The following SDK1 variants were observed in gnomAD, a reference collection of about 807,000 sequenced individuals.
The protein encoded by SDK1 is sidekick cell adhesion molecule 1, also known as protein sidekick-1.
SDK1 carries 157 observed loss-of-function variants against 245.5 expected under a neutral mutation model. The ratio of observed to expected loss-of-function variants is 0.64; its 90% CI spans 0.56 to 0.73. The LOEUF is 0.73. Among genes scored for constraint, SDK1 ranks in the 30% least tolerant of loss-of-function variants. The probability of loss-of-function intolerance (pLI) is 0.00; values close to 1 mark genes in which losing one functional copy is unlikely to be tolerated. For missense variants in SDK1, 3,583 were observed against 3,002.3 expected (o/e 1.19, Z -4.52); for synonymous variants, 1,647 against 1,278.5 (o/e 1.29, Z -6.15).
chr7:3,634,294 T>C (rs531410439), intron 2 of SDK1, among the ~76,000 whole-genome samples: 1 of 152,316 alleles, frequency 6.6e-6, no homozygotes, highest in East Asian at 1.9e-4. Context: ...TGGGCTGAGA[T>C]GGACCCGATG....
intron 5 of SDK1, among the ~76,000 whole-genome samples, chr7:3,865,400 G>A (rs1172976581): frequency 6.6e-6 from 1 of 152,266 alleles, no homozygotes; most frequent in Non-Finnish European, 1.5e-5. Context: ...GACTCAAAAT[G>A]TTTTGACATG....
intron 9 of SDK1, among the ~76,000 whole-genome samples, chr7:3,964,725 A>T (rs1781967405): frequency 2.6e-5 from 4 of 152,300 alleles, no homozygotes; most frequent in Admixed American, 2.6e-4. Context: ...CAAAATGCTG[A>T]TATCCTCAGG....
chr7:3,695,744 C>T (rs140220693), intron 4 of SDK1, among the ~76,000 whole-genome samples: 7 of 152,194 alleles, frequency 4.6e-5, no homozygotes, highest in East Asian at 3.9e-4. Flanking sequence ...CTTATTATTC[C>T]GGTGACATAA....
chr7:4,140,384 C>T (rs1779502035), intron 28 of SDK1, among the ~76,000 whole-genome samples: 1 of 152,270 alleles, frequency 6.6e-6, no homozygotes, highest in African/African-American at 2.4e-5. Flanking sequence ...ATGCTGGAGG[C>T]GTGGCTCTGG....
intron 1 of SDK1, among the ~76,000 whole-genome samples, chr7:3,578,964 G>T (rs1780396097): frequency 6.6e-6 from 1 of 151,900 alleles, no homozygotes; most frequent in African/African-American, 2.4e-5. Flanking sequence ...AAGTAAGACA[G>T]GTGTAAGAAA....
chr7:3,539,436 C>T (rs907330481), intron 1 of SDK1, among the ~76,000 whole-genome samples: 9 of 152,068 alleles, frequency 5.9e-5, no homozygotes, highest in Non-Finnish European at 1.2e-4. Flanking sequence ...GGGCCTTTGC[C>T]TTTATTACCT....
intron 32 of SDK1, among the ~76,000 whole-genome samples, chr7:4,170,520 T>C (rs1781774044): frequency 1.3e-5 from 2 of 152,088 alleles, no homozygotes; most frequent in Admixed American, 1.3e-4. Flanking sequence ...AGTGTGTGTG[T>C]GTTATGCACA....
chr7:3,635,400 G>A (rs1335623848), intron 2 of SDK1, among the ~76,000 whole-genome samples: 4 of 152,056 alleles, frequency 2.6e-5, no homozygotes, highest in Admixed American at 6.6e-5. Flanking sequence ...TGTTTTAGTC[G>A]CTTAAAATTA....
intron 4 of SDK1, among the ~76,000 whole-genome samples, chr7:3,664,666 G>A (rs535392125): frequency 2.0e-5 from 3 of 151,700 alleles, no homozygotes; most frequent in African/African-American, 7.3e-5. Flanking sequence ...CTTGAACCCA[G>A]GAGGCAGAGG....
At chr7:3,518,780 C>T (rs986462068) in intron 1 of SDK1, among the ~76,000 whole-genome samples, 1 of 152,034 alleles carries the variant, frequency 6.6e-6, no homozygotes, top group Non-Finnish European at 1.5e-5. Context: ...GCTCCTCCAG[C>T]AATCCCACTA....
intron 38 of SDK1, among the ~76,000 whole-genome samples, chr7:4,216,966 C>G (rs1257525757): frequency 2.0e-5 from 3 of 150,784 alleles, no homozygotes; most frequent in Non-Finnish European, 4.4e-5. Flanking sequence ...GTCCAGAGCA[C>G]CAGGCCACCC....
At chr7:3,398,333 A>T (rs1314477042) in intron 1 of SDK1, among the ~76,000 whole-genome samples, 1 of 152,070 alleles carries the variant, frequency 6.6e-6, no homozygotes, top group Admixed American at 6.6e-5. Flanking sequence ...CGGAGAGGAA[A>T]CATTCTATAA....
At chr7:3,942,589 T>TG (rs1554285621) in intron 5 of SDK1, among the ~76,000 whole-genome samples, 33 of 128,556 alleles carry the variant, frequency 2.6e-4, no homozygotes, top group Middle Eastern at 4.2e-3. Context: ...TGTGTGTGTG[T>TG]TTTAAAAAAA....
In SDK1 at chr7:3,987,174, A is replaced by G. The variant is rs1175890572; in HGVS notation, c.1995-12A>G. 3.1e-6 allele frequency: 5 copies of G among 1,613,180 alleles called. No individual in the cohort carries two copies. The highest frequency in any genetic ancestry group is 1.3e-5 in the African/African-American group (1 of 74,836). On this transcript the variant is annotated splice_polypyrimidine_tract_variant and intron_variant, in intron 13 of 44. Transcript: ENST00000404826. Reference sequence around the variant, plus strand: ...TTTTCCTCTTTTTCCTTTTCATCCCATTCAATTCAAGTGAACTGCCTCATT... The same window carrying G: ...TTTTCCTCTTTTTCCTTTTCATCCCGTTCAATTCAAGTGAACTGCCTCATT...
In SDK1 at chr7:4,157,933, C is replaced by T. The variant is rs373632042; in HGVS notation, c.4626-515C>T. The stretch of plus-strand genomic sequence containing the variant: ...AGGCTGGGTCTGGCCCAGTAAAGAG[C>T]TCCAGGAGGACGGAGCGTGAGAATC... On this transcript the variant is annotated intron_variant, in intron 30 of 44. Transcript: ENST00000404826. Among the ~76,000 whole-genome samples, 8 of 152,260 alleles carry T rather than the reference C, an allele frequency of 5.3e-5. No homozygotes were observed. In the East Asian group the frequency reaches 9.7e-4, roughly 18 times the overall value.
At chr7:3,984,041 C>A (rs202052397) in intron 13 of SDK1, among the ~76,000 whole-genome samples, 1 of 152,148 alleles carries the variant, frequency 6.6e-6, no homozygotes, top group Non-Finnish European at 1.5e-5. Context: ...TTTAAAAAAT[C>A]TTTTTACATC....
intron 38 of SDK1, among the ~76,000 whole-genome samples, chr7:4,214,481 G>T (rs1178220066): frequency 1.3e-5 from 2 of 152,154 alleles, no homozygotes; most frequent in African/African-American, 2.4e-5. Context: ...GATTTTCCTG[G>T]CTTTGCAACC....
chr7:4,162,587 A>G (rs980877912), intron 32 of SDK1, among the ~76,000 whole-genome samples: 3 of 151,876 alleles, frequency 2.0e-5, no homozygotes, highest in Admixed American at 6.6e-5. Context: ...TTTAGTAGAG[A>G]TGGGGTTTCA....
At chr7:3,943,582 A>C (rs553153882) in intron 5 of SDK1, among the ~76,000 whole-genome samples, 4 of 150,204 alleles carry the variant, frequency 2.7e-5, no homozygotes, top group African/African-American at 9.8e-5. Context: ...CTCCCTGACC[A>C]GCTCTTGCTC....
Sources: gnomAD v4.1 joint callset for allele counts (sites outside exome capture counted in the v4.1 genomes callset) on GRCh38, gnomAD v4.1.1 for gene constraint, MANE v1.5 for transcripts, NCBI Gene and HGNC (gene_info 2026-07-23, HGNC 2026-07-21) for gene names.